LOXL1: variants seen among roughly 807,000 people sequenced by gnomAD.
The protein encoded by LOXL1 is lysyl oxidase homolog 1.
In LOXL1, 31 loss-of-function variants were observed where a neutral mutation model predicts 62.2. That is an observed-to-expected ratio of 0.50 (90% CI 0.37 to 0.67). The LOEUF (loss-of-function observed/expected upper bound fraction) is 0.67, where lower values mean the gene tolerates loss of function less well. LOXL1 is among the 30% of genes least tolerant of loss of function. The probability of loss-of-function intolerance (pLI) is 0.00; values close to 1 mark genes in which losing one functional copy is unlikely to be tolerated. For missense variants in LOXL1, 775 were observed against 843.4 expected (o/e 0.92, Z 1.00); for synonymous variants, 403 against 384.4 (o/e 1.05, Z -0.56).
chr15:73,934,567 CA>C (rs939939035), intron 1 of LOXL1, among the ~76,000 whole-genome samples: 11 of 152,142 alleles, frequency 7.2e-5, no homozygotes, highest in African/African-American at 2.7e-4. Context: ...CTGCAGAAGG[CA>C]GATATCATCT....
In LOXL1 at chr15:73,951,889, TC is replaced by T; in HGVS notation, c.*56del. 6.9e-7 allele frequency: 1 copy of T among 1,441,650 alleles called. No individual in the cohort carries two copies. The highest frequency in any genetic ancestry group is 9.2e-7 in the Non-Finnish European group (1 of 1,087,642). The allele number at this position is 1,441,650 out of a possible 1,614,324, so 89.3% of individuals were successfully genotyped here. A position where few individuals can be genotyped will look rare whatever the true frequency, so the allele number is the denominator to read the frequency against. ...TCTCCCCTTCCAAAGCAGGCCCTGC[TC>T]CCCGGGCAGCCTCCCGCCGAGGGGC... On this transcript the variant is annotated 3_prime_UTR_variant, in exon 7 of 7. Coordinates refer to ENST00000261921, the MANE Select transcript of LOXL1 (RefSeq NM_005576.4).
At chr15:73,938,012 T>C (rs1239031763) in intron 1 of LOXL1, among the ~76,000 whole-genome samples, 1 of 152,006 alleles carries the variant, frequency 6.6e-6, no homozygotes, top group East Asian at 1.9e-4. Context: ...GCTGGCCGGG[T>C]GCGGTCACTC....
chr15:73,950,345 T>G (rs1595850121), intron 6 of LOXL1, among the ~76,000 whole-genome samples: 1 of 151,348 alleles, frequency 6.6e-6, no homozygotes, highest in Non-Finnish European at 1.5e-5. Context: ...GTTCATCAAC[T>G]GGGAGAAAGG....
rs1252581562 is a variant in LOXL1 at position 73,927,324 on chromosome 15, C to A, written c.541C>A (p.Gln181Lys). ...PSYPQQFPYP[Q>K]APFVSQYENY... ...CTACCCGCAGCAGTTCCCCTACCCGCAGGCGCCCTTCGTCAGCCAGTACGA... is the reference window on the plus strand; with the variant it reads ...CTACCCGCAGCAGTTCCCCTACCCGAAGGCGCCCTTCGTCAGCCAGTACGA... The change falls in exon 1 of 7, where the codon CAG (glutamine) becomes AAG (lysine). Residue 181 changes from glutamine (Q) to lysine (K), a missense_variant. Transcript: ENST00000261921. 2.5e-6 allele frequency: 4 copies of A among 1,603,856 alleles called. No homozygotes were observed. In the Admixed American group the frequency reaches 6.7e-5, roughly 27 times the overall value.
chr15:73,938,280 T>TATCTATCC (rs1555433302), intron 1 of LOXL1, among the ~76,000 whole-genome samples: 3 of 148,882 alleles, frequency 2.0e-5, no homozygotes, highest in African/African-American at 7.5e-5. Flanking sequence ...ACTCCGTATC[T>TATCTATCC]ATCTATCTAT....
intron 1 of LOXL1, among the ~76,000 whole-genome samples, chr15:73,939,944 G>A (rs573148507): frequency 8.5e-5 from 13 of 152,226 alleles, no homozygotes; most frequent in Non-Finnish European, 1.8e-4. Context: ...GCAGGACATG[G>A]AAAACACTTT....
Position 73,942,952 on chromosome 15 carries a change from T to G in LOXL1, c.1201T>G (p.Cys401Gly). Residue 401 changes from cysteine to glycine, a missense_variant, in exon 2 of 7, where the codon TGT (cysteine) becomes GGT (glycine). Cys to Gly is a radical substitution (Grantham distance 159, BLOSUM62 -3). Coordinates refer to ENST00000261921, the MANE Select transcript of LOXL1 (RefSeq NM_005576.4). ...CCTGCGCTGTGCTGCGGAGGAGAAG[T>G]GTCTGGCCAGGTAAGGAGCTGAGGC... The part of the protein sequence containing the change: ...YSLRCAAEEK[C>G]LASTAYAPEA... 6.2e-7 allele frequency: 1 copy of G among 1,613,260 alleles called. No homozygotes were observed. The highest frequency in any genetic ancestry group is 8.5e-7 in the Non-Finnish European group (1 of 1,179,336).
chr15:73,942,792 C>A, intron 1 of LOXL1, 62 bp from the exon 2 acceptor site: 1 of 1,050,550 alleles, frequency 9.5e-7, no homozygotes, highest in Non-Finnish European at 1.5e-6. Flanking sequence ...CAGTGGCCAA[C>A]CTGATGCTCT....
intron 6 of LOXL1, among the ~76,000 whole-genome samples, chr15:73,950,932 A>G (rs2068780458): frequency 6.6e-6 from 1 of 152,252 alleles, no homozygotes; most frequent in Non-Finnish European, 1.5e-5. Context: ...TCCCCAGGGC[A>G]CACAGCATGT....
intron 1 of LOXL1, among the ~76,000 whole-genome samples, chr15:73,933,948 G>A (rs1242251949): frequency 6.6e-6 from 1 of 152,254 alleles, no homozygotes; most frequent in Admixed American, 6.5e-5. Context: ...TGATCACAGG[G>A]TGAGGGTTGG....
intron 2 of LOXL1, among the ~76,000 whole-genome samples, chr15:73,943,363 A>G (rs11631579): frequency 0.37 from 56,770 of 152,108 alleles, 12,069 homozygotes; most frequent in Middle Eastern, 0.57. Flanking sequence ...GTGGTCATAC[A>G]GGGACCCAAG....
rs937471740 is a variant in LOXL1 at position 73,951,892 on chromosome 15, C to T, written c.*55C>T. 2.5e-4 allele frequency: 358 copies of T among 1,436,370 alleles called. No individual in the cohort carries two copies. Among genetic ancestry groups the T allele is most frequent in the Non-Finnish European group, 3.1e-4 (335 of 1,084,504 alleles). The allele number at this position is 1,436,370 out of a possible 1,614,324, so 89.0% of individuals were successfully genotyped here. A position where few individuals can be genotyped will look rare whatever the true frequency, so the allele number is the denominator to read the frequency against. On this transcript the variant is annotated 3_prime_UTR_variant, in exon 7 of 7. Transcript: ENST00000261921. The stretch of plus-strand genomic sequence containing the variant: ...CCCCTTCCAAAGCAGGCCCTGCTCC[C>T]CGGGCAGCCTCCCGCCGAGGGGCCC...
At chr15:73,943,649 G>C (rs2068729829) in intron 2 of LOXL1, among the ~76,000 whole-genome samples, 1 of 152,230 alleles carries the variant, frequency 6.6e-6, no homozygotes, top group South Asian at 2.1e-4. Context: ...TTTATAAGCA[G>C]TTCATATTCT....
intron 2 of LOXL1, among the ~76,000 whole-genome samples, chr15:73,943,680 C>T (rs556158083): frequency 1.3e-5 from 2 of 152,312 alleles, no homozygotes; most frequent in South Asian, 2.1e-4. Context: ...AGGTGCTTTG[C>T]GGATACCTCC....
At chr15:73,929,172 G>A (rs1034036888) in intron 1 of LOXL1, among the ~76,000 whole-genome samples, 2 of 152,208 alleles carry the variant, frequency 1.3e-5, no homozygotes, top group African/African-American at 4.8e-5. Context: ...CTCCATACAG[G>A]CAGCTTTTGG....
At chr15:73,934,876 C>A (rs907850493) in intron 1 of LOXL1, among the ~76,000 whole-genome samples, 1 of 152,134 alleles carries the variant, frequency 6.6e-6, no homozygotes, top group Non-Finnish European at 1.5e-5. Context: ...GACACTTGAG[C>A]AAAGACTTGA....
rs745309858 is a variant in LOXL1, at chr15:73,926,986, G to A, written c.203G>A (p.Arg68His). 4.0e-6 allele frequency: 6 copies of A among 1,497,262 alleles called. No individual in the cohort carries two copies. The highest frequency in any genetic ancestry group is 4.5e-6 in the Non-Finnish European group (5 of 1,118,610). 92.7% of individuals were successfully genotyped at this position (1,497,262 alleles called of 1,614,324 possible). ...GSEYVPAGPQ[R>H]SESSSRVLLA... ...GAGTACGTGCCGGCCGGACCTCAGCGCTCCGAGAGTAGCTCCCGGGTGCTG... is the reference window on the plus strand; with the variant it reads ...GAGTACGTGCCGGCCGGACCTCAGCACTCCGAGAGTAGCTCCCGGGTGCTG... Residue 68 changes from arginine to histidine, a missense_variant, in exon 1 of 7, where the codon CGC becomes CAC. Transcript: ENST00000261921.
chr15:73,938,899 G>A (rs1339995485), intron 1 of LOXL1, among the ~76,000 whole-genome samples: 1 of 152,152 alleles, frequency 6.6e-6, no homozygotes, highest in Non-Finnish European at 1.5e-5. Context: ...AAGAAAAGGT[G>A]GAGGTGGCGT....
Position 73,926,522 on chromosome 15 carries a change from C to G in LOXL1, c.-262C>G, listed in dbSNP as rs1292859754. ...CAGTGCGGGGCTGGCCATGTAAGGC[C>G]CACAGGCGGTCCTGCCCGCCCGGTG... On this transcript the variant is annotated 5_prime_UTR_variant, in exon 1 of 7. Coordinates refer to ENST00000261921, the MANE Select transcript of LOXL1 (RefSeq NM_005576.4). 2.6e-6 allele frequency: 1 copy of G among 377,732 alleles called. No individual in the cohort carries two copies. The highest frequency in any genetic ancestry group is 4.7e-6 in the Non-Finnish European group (1 of 213,126). 23.4% of individuals were successfully genotyped at this position (377,732 alleles called of 1,614,324 possible).
Sources: allele counts gnomAD v4.1 joint callset (sites outside exome capture counted in the v4.1 genomes callset), GRCh38; gene constraint gnomAD v4.1.1; transcripts MANE v1.5; gene names NCBI Gene and HGNC (gene_info 2026-07-23, HGNC 2026-07-21).